SENP5: variants seen among roughly 807,000 people sequenced by gnomAD.
SENP5 encodes SUMO specific peptidase 5, also known as sentrin-specific protease 5.
SENP5 carries 21 observed loss-of-function variants against 74.2 expected under a neutral mutation model. The ratio of observed to expected loss-of-function variants is 0.28; its 90% CI spans 0.20 to 0.41. SENP5 has a LOEUF of 0.41. Among genes scored for constraint, SENP5 ranks in the 10% least tolerant of loss-of-function variants. The pLI is 1.00. For missense variants in SENP5, 717 were observed against 889.1 expected, an observed-to-expected ratio of 0.81 and a Z score of 2.46; for synonymous variants, 311 against 312.7, an observed-to-expected ratio of 0.99 and a Z score of 0.06.
chr3:196,920,236 CTG>C (rs1715563409), intron 6 of SENP5, among the ~76,000 whole-genome samples: 2 of 152,104 alleles, frequency 1.3e-5, no homozygotes, highest in South Asian at 2.1e-4. Context: ...TCAGTATTAT[CTG>C]TAATTTTTAG....
At chr3:196,910,189 A>G (rs1036985899) in intron 6 of SENP5, among the ~76,000 whole-genome samples, 2 of 152,146 alleles carry the variant, frequency 1.3e-5, no homozygotes, top group African/African-American at 4.8e-5. Flanking sequence ...AATACAGTTT[A>G]TAAGGGATGT....
chr3:196,870,056 T>G (rs1713144199), intron 1 of SENP5, among the ~76,000 whole-genome samples: 1 of 152,166 alleles, frequency 6.6e-6, no homozygotes, highest in Non-Finnish European at 1.5e-5. Flanking sequence ...AGAACGGGGT[T>G]CTGTGCTTCT....
intron 7 of SENP5, among the ~76,000 whole-genome samples, chr3:196,923,774 C>G (rs910989656): frequency 2.6e-5 from 4 of 152,200 alleles, no homozygotes; most frequent in African/African-American, 4.8e-5. Context: ...CTTGGATTTT[C>G]TCTGCTTTTC....
chr3:196,889,507 C>T (rs995645019), intron 2 of SENP5, among the ~76,000 whole-genome samples: 6 of 152,032 alleles, frequency 3.9e-5, no homozygotes, highest in African/African-American at 1.4e-4. Flanking sequence ...GCTGAAAAAC[C>T]TGTTAGTAAA....
At chr3:196,900,434 TGCA>T in intron 5 of SENP5, 22 bp downstream of exon 5, 1 of 1,591,916 alleles carries the variant, frequency 6.3e-7, no homozygotes, top group Non-Finnish European at 8.6e-7. Context: ...CTTCCTCTTC[TGCA>T]GGAGAGAGTG....
intron 1 of SENP5, among the ~76,000 whole-genome samples, chr3:196,869,013 A>G (rs1713079631): frequency 6.6e-6 from 1 of 152,042 alleles, no homozygotes; most frequent in Non-Finnish European, 1.5e-5. Context: ...GGAAGAAACC[A>G]GACTCTCTCC....
intron 6 of SENP5, chr3:196,914,586 A>ATATATATATATATATATATAT (rs1553825368): frequency 6.0e-5 from 2 of 33,500 alleles, no homozygotes; most frequent in African/African-American, 3.6e-4. Flanking sequence ...AAAAAAAAAA[A>ATATATATATATATATATATAT]ATATATATAT....
chr3:196,905,303 A>AAAGC (rs768863338), intron 6 of SENP5: 11 of 152,392 alleles, frequency 7.2e-5, no homozygotes, highest in African/African-American at 2.2e-4. Context: ...TTCTGTGACC[A>AAAGC]AAGCAAGCAA....
intron 6 of SENP5, among the ~76,000 whole-genome samples, chr3:196,903,874 C>T (rs1459026202): frequency 6.6e-6 from 1 of 152,200 alleles, no homozygotes; most frequent in East Asian, 1.9e-4. Flanking sequence ...TGTCAGCAGA[C>T]AGCAGAAGCT....
At position 196,886,659 on chromosome 3, in the gene SENP5, C is replaced by T. The variant is rs957450527; in HGVS notation, c.1478C>T (p.Pro493Leu). Residue 493 changes from proline (P) to leucine (L), a missense_variant, in exon 2 of 10, where the codon CCA (proline) becomes CTA (leucine). Pro to Leu is a moderately conservative substitution (Grantham distance 98, BLOSUM62 -3). Around this residue, in one of 4 missense-constraint regions of SENP5, gnomAD observed 567 missense variants for 577.4 expected, o/e 0.98. Transcript: ENST00000323460. ...GGAAAGAACAGTCAGAAAGCCTCTC[C>T]AGTGGATGATGAACAGCTGTCAGTC... ...GGGKNSQKAS[P>L]VDDEQLSVCL... The T allele has an allele frequency of 3.2e-6, 5 of 1,585,812 alleles. No homozygotes were observed. Among genetic ancestry groups the T allele is most frequent in the Non-Finnish European group, 4.3e-6 (5 of 1,168,538 alleles).
At chr3:196,894,757 C>T (rs950056432) in intron 2 of SENP5, among the ~76,000 whole-genome samples, 2 of 152,130 alleles carry the variant, frequency 1.3e-5, no homozygotes, top group African/African-American at 2.4e-5. Context: ...ATTCACCTCT[C>T]TCCTTTAATT....
rs763794417 is a variant in SENP5, at chr3:196,885,600, T to G, written c.419T>G (p.Val140Gly). 6.2e-7 allele frequency: 1 copy of G among 1,614,186 alleles called. No homozygotes were observed. The highest frequency in any genetic ancestry group is 1.3e-5 in the African/African-American group (1 of 75,064). ...AGAGAGAAAAATCTCTTGAAGGCAG[T>G]TACTGACTTTCCATCAAATAGTGCT... ...YCREKNLLKA[V>G]TDFPSNSALG... Residue 140 changes from valine (V) to glycine (G), a missense_variant, in exon 2 of 10, where the codon GTT becomes GGT. By Grantham distance (109) the Val-to-Gly change is moderately radical. Around this residue, in one of 4 missense-constraint regions of SENP5, gnomAD observed 567 missense variants for 577.4 expected, o/e 0.98. Transcript: ENST00000323460.
intron 5 of SENP5, among the ~76,000 whole-genome samples, chr3:196,902,419 A>G (rs1289606028): frequency 3.9e-5 from 6 of 152,226 alleles, no homozygotes; most frequent in African/African-American, 7.2e-5. Context: ...AGTGTGAGCC[A>G]CTATGTCTGG....
intron 5 of SENP5, among the ~76,000 whole-genome samples, chr3:196,900,806 G>A (rs201630444): frequency 6.6e-6 from 1 of 151,770 alleles, no homozygotes; most frequent in Admixed American, 6.6e-5. Flanking sequence ...GGCTGGTCTC[G>A]AACTCCTGAC....
rs143395841 is a variant in SENP5 at position 196,907,803 on chromosome 3, C to T, written c.1884+4193C>T. On this transcript the variant is annotated intron_variant, in intron 6 of 9. Coordinates refer to ENST00000323460, the MANE Select transcript of SENP5 (RefSeq NM_152699.5). Reference sequence around the variant, plus strand: ...AAAAGAAAGTCTACAAATTTGTGTTCGGCTGCATTCAGAGCCGTCCTGGGC... The same window carrying T: ...AAAAGAAAGTCTACAAATTTGTGTTTGGCTGCATTCAGAGCCGTCCTGGGC... 8.8e-4 allele frequency among the ~76,000 whole-genome samples: 133 copies of T among 151,924 alleles called. 1 individual carries two copies. In the East Asian group the frequency reaches 0.022, roughly 25 times the overall value.
At chr3:196,882,232 TA>T (rs148955818) in intron 1 of SENP5, among the ~76,000 whole-genome samples, 3,402 of 151,972 alleles carry the variant, frequency 0.022, 134 homozygotes, top group African/African-American at 0.078. Flanking sequence ...AAAATATACA[TA>T]ACATAAAATT....
chr3:196,914,206 A>G (rs1246503533), intron 6 of SENP5: 3 of 152,206 alleles, frequency 2.0e-5, no homozygotes, highest in Admixed American at 2.0e-4. Flanking sequence ...TGATTTATCT[A>G]CTGACCTGTT....
intron 1 of SENP5, among the ~76,000 whole-genome samples, chr3:196,883,048 C>T (rs1199250001): frequency 2.0e-5 from 3 of 151,572 alleles, no homozygotes. Context: ...TGTTCGGAGT[C>T]TCATATGCAG....
At chr3:196,927,346 G>C (rs1715851223) in intron 7 of SENP5, among the ~76,000 whole-genome samples, 1 of 152,180 alleles carries the variant, frequency 6.6e-6, no homozygotes, top group Non-Finnish European at 1.5e-5. Flanking sequence ...CTTACTGCTG[G>C]GAAGGGCTGG....
Sources: gnomAD v4.1 joint callset for allele counts (sites outside exome capture counted in the v4.1 genomes callset) on GRCh38, gnomAD v4.1.1 for gene constraint, gnomAD v4.1.1 regional missense constraint, MANE v1.5 for transcripts, NCBI Gene and HGNC (gene_info 2026-07-23, HGNC 2026-07-21) for gene names.